LRBA: variants seen among roughly 807,000 people sequenced by gnomAD.
LRBA encodes the protein lipopolysaccharide-responsive and beige-like anchor protein.
Under a neutral mutation model 330.0 loss-of-function variants are expected in LRBA, and 176 were observed. The ratio of observed to expected loss-of-function variants is 0.53; its 90% CI spans 0.47 to 0.60. LRBA has a LOEUF of 0.60. LRBA is among the 20% of genes least tolerant of loss of function. LRBA has a pLI of 0.00. For missense variants in LRBA, 3,259 were observed against 3,444.8 expected (o/e 0.95, Z 1.35); for synonymous variants, 1,230 against 1,193.0 (o/e 1.03, Z -0.64).
intron 47 of LRBA, among the ~76,000 whole-genome samples, chr4:150,377,512 C>T (rs60557777): frequency 0.22 from 32,774 of 151,992 alleles, 4,402 homozygotes; most frequent in Non-Finnish European, 0.31. Flanking sequence ...GATTAAAAGT[C>T]CTTAGAAATG....
chr4:150,514,527 T>A (rs970616824), intron 40 of LRBA, among the ~76,000 whole-genome samples: 2 of 152,134 alleles, frequency 1.3e-5, no homozygotes, highest in Non-Finnish European at 2.9e-5. Context: ...AGCAGGTTAA[T>A]TGGTTGGCTC....
intron 29 of LRBA, among the ~76,000 whole-genome samples, chr4:150,830,786 G>A (rs1191722250): frequency 2.1e-5 from 3 of 140,702 alleles, no homozygotes; most frequent in South Asian, 4.5e-4. Flanking sequence ...TTTTGGAAAC[G>A]GAGTCTCACT....
intron 33 of LRBA, among the ~76,000 whole-genome samples, chr4:150,802,406 G>C (rs924374782): frequency 6.6e-6 from 1 of 150,930 alleles, no homozygotes; most frequent in African/African-American, 2.4e-5. Flanking sequence ...ATGTGTAATA[G>C]TGAAATAGCA....
intron 46 of LRBA, among the ~76,000 whole-genome samples, chr4:150,419,799 G>A (rs1389775145): frequency 2.6e-5 from 4 of 151,128 alleles, no homozygotes; most frequent in Non-Finnish European, 5.9e-5. Context: ...AACCATACCA[G>A]GTTAATTTTT....
rs952324403 is a variant in LRBA at position 150,354,820 on chromosome 4, ATTTG to A, written c.7195-4665_7195-4662del. 1.5e-4 allele frequency among the ~76,000 whole-genome samples: 23 copies of A among 152,200 alleles called. No individual in the cohort carries two copies. In the South Asian group the frequency reaches 1.7e-3, roughly 11 times the overall value. On this transcript the variant is annotated intron_variant, in intron 47 of 56. Transcript: ENST00000651943. ...TCAAATACACTTATTACTAACTTTC[ATTTG>A]TTTGTTCTGCATACAGAATATCAAC...
rs1397435335 is a variant in LRBA, at chr4:150,871,441, T to C, written c.2271A>G (p.Glu757=). 6.2e-7 allele frequency: 1 copy of C among 1,606,512 alleles called. No homozygotes were observed. The highest frequency in any genetic ancestry group is 1.7e-5 in the Admixed American group (1 of 60,006). Residue 757 remains glutamate, a synonymous_variant, in exon 19 of 57, where the codon GAA becomes GAG. Transcript: ENST00000651943. ...AAAACAATCCATGTCCAAGCATGAC[T>C]TCTGCTTTCCTCCTGCAATTACACA... The part of the protein sequence containing the change: ...LKHLAPKRKA[E]VMLGHGLFSL...
intron 51 of LRBA, among the ~76,000 whole-genome samples, chr4:150,313,324 T>G (rs1731300337): frequency 1.3e-5 from 2 of 152,220 alleles, no homozygotes; most frequent in Non-Finnish European, 2.9e-5. Context: ...ATTAAAATTT[T>G]GTTTACTGAG....
chr4:150,749,225 A>G (rs1406111154), intron 35 of LRBA, among the ~76,000 whole-genome samples: 1 of 152,042 alleles, frequency 6.6e-6, no homozygotes, highest in Non-Finnish European at 1.5e-5. Flanking sequence ...AGGACGTAAT[A>G]CCAAAAGCGC....
At chr4:150,422,819 C>T (rs575177906) in intron 46 of LRBA, 1 of 1,468,104 alleles carries the variant, frequency 6.8e-7, no homozygotes, top group Non-Finnish European at 9.5e-7. Flanking sequence ...TGCCCTGGAA[C>T]TTGCCCTGCA....
intron 28 of LRBA, among the ~76,000 whole-genome samples, chr4:150,832,824 C>A (rs771212154): frequency 2.6e-5 from 4 of 152,014 alleles, no homozygotes. Flanking sequence ...GGCTGGAGTA[C>A]AATGACACAA....
chr4:150,779,923 C>A (rs1480158572), intron 34 of LRBA, among the ~76,000 whole-genome samples: 1 of 152,138 alleles, frequency 6.6e-6, no homozygotes, highest in Non-Finnish European at 1.5e-5. Flanking sequence ...AAGTTAATTA[C>A]AAGTAACCCA....
intron 37 of LRBA, among the ~76,000 whole-genome samples, chr4:150,601,504 C>A (rs139462537): frequency 6.6e-6 from 1 of 151,670 alleles, no homozygotes; most frequent in African/African-American, 2.4e-5. Flanking sequence ...GGAAATAAAA[C>A]GATAATATTT....
At chr4:150,904,012 T>A (rs542025971) in intron 13 of LRBA, among the ~76,000 whole-genome samples, 2 of 152,140 alleles carry the variant, frequency 1.3e-5, no homozygotes, top group Non-Finnish European at 2.9e-5. Flanking sequence ...ACAAGAAAAT[T>A]CATCTCTCCT....
At position 150,544,937 on chromosome 4, in the gene LRBA, C is replaced by T. The variant is rs77777631; in HGVS notation, c.6330+43111G>A. ...TTTGTTTCTACACTGCCTTCAGTTT[C>T]ATGTGGTGAATCTGGAGTCAGAACC... On this transcript the variant is annotated intron_variant, in intron 40 of 56. Transcript: ENST00000651943. Among the ~76,000 whole-genome samples the T allele has an allele frequency of 6.4e-3, 968 of 152,278 alleles. 4 individuals are homozygous for T. Among genetic ancestry groups the T allele is most frequent in the South Asian group, 0.012 (57 of 4,830 alleles).
At chr4:150,832,551 G>A (rs1483945940) in intron 28 of LRBA, among the ~76,000 whole-genome samples, 6 of 152,104 alleles carry the variant, frequency 3.9e-5, no homozygotes, top group Admixed American at 6.6e-5. Context: ...AGCTGAGATC[G>A]CATCACTGCA....
intron 47 of LRBA, among the ~76,000 whole-genome samples, chr4:150,363,652 C>T (rs1561070070): frequency 6.6e-6 from 1 of 152,218 alleles, no homozygotes; most frequent in Non-Finnish European, 1.5e-5. Context: ...GACTATATCG[C>T]TTAATCTATT....
intron 29 of LRBA, among the ~76,000 whole-genome samples, chr4:150,829,963 C>T (rs574679317): frequency 6.6e-6 from 1 of 152,274 alleles, no homozygotes; most frequent in South Asian, 2.1e-4. Context: ...TCACAAAATG[C>T]ACACCTAATG....
At chr4:150,366,275 G>A (rs1177769588) in intron 47 of LRBA, among the ~76,000 whole-genome samples, 1 of 152,058 alleles carries the variant, frequency 6.6e-6, no homozygotes, top group Non-Finnish European at 1.5e-5. Flanking sequence ...ATCTTTATTA[G>A]ATTAGGAGAA....
intron 40 of LRBA, among the ~76,000 whole-genome samples, chr4:150,568,738 A>G (rs1259067291): frequency 1.3e-5 from 2 of 152,162 alleles, no homozygotes; most frequent in Admixed American, 1.3e-4. Context: ...ATATATATTC[A>G]TATCAAAAGC....
Sources: allele counts gnomAD v4.1 joint callset (sites outside exome capture counted in the v4.1 genomes callset), GRCh38; gene constraint gnomAD v4.1.1; transcripts MANE v1.5; gene names NCBI Gene and HGNC (gene_info 2026-07-23, HGNC 2026-07-21).